MRPL15: variants seen among roughly 807,000 people sequenced by gnomAD.
MRPL15 encodes mitochondrial ribosomal protein L15, also known as large ribosomal subunit protein uL15m.
MRPL15 carries 24 observed loss-of-function variants against 28.0 expected under a neutral mutation model. That is an observed-to-expected ratio of 0.86 (90% CI 0.62 to 1.21). MRPL15 has a LOEUF of 1.21. Ranked by LOEUF, MRPL15 falls within the 50% of genes most tolerant of loss-of-function variation. The probability of loss-of-function intolerance (pLI) is 0.00; values close to 1 mark genes in which losing one functional copy is unlikely to be tolerated. For missense variants in MRPL15, 343 were observed against 372.4 expected, an observed-to-expected ratio of 0.92 and a Z score of 0.65; for synonymous variants, 124 against 137.0, an observed-to-expected ratio of 0.90 and a Z score of 0.66.
At chr8:54,147,180 C>T (rs1451121474) in intron 4 of MRPL15, among the ~76,000 whole-genome samples, 5 of 151,852 alleles carry the variant, frequency 3.3e-5, no homozygotes, top group Non-Finnish European at 7.4e-5. Flanking sequence ...TGCAGTGAGC[C>T]GAGATGGTGC....
At chr8:54,142,549 T>G in intron 3 of MRPL15, 114 bp from the exon 4 acceptor site, 1 of 1,233,576 alleles carries the variant, frequency 8.1e-7, no homozygotes, top group Non-Finnish European at 1.1e-6. Flanking sequence ...ACTAACTGTA[T>G]TGTTATGTTA....
chr8:54,143,406 CTCT>C (rs1742533544), intron 4 of MRPL15, among the ~76,000 whole-genome samples: 1 of 152,274 alleles, frequency 6.6e-6, no homozygotes, highest in East Asian at 1.9e-4. Context: ...CTCAGCCTGG[CTCT>C]TCTTGTAGTC....
intron 4 of MRPL15, among the ~76,000 whole-genome samples, chr8:54,145,651 T>C (rs1002218365): frequency 9.2e-5 from 14 of 152,136 alleles, no homozygotes; most frequent in African/African-American, 3.4e-4. Context: ...TTTTGTTTTA[T>C]GTTTTGTAGA....
chr8:54,136,751 A>G, intron 2 of MRPL15, 86 bp downstream of exon 2: 1 of 1,477,826 alleles, frequency 6.8e-7, no homozygotes, highest in East Asian at 2.3e-5. Flanking sequence ...TTTTGGTGGA[A>G]ATTGTAAATT....
chr8:54,141,305 C>G (rs962622368), intron 3 of MRPL15, among the ~76,000 whole-genome samples: 1 of 152,010 alleles, frequency 6.6e-6, no homozygotes, highest in Non-Finnish European at 1.5e-5. Flanking sequence ...TATTTCCGAT[C>G]TATGAAAGTT....
chr8:54,142,624 C>T (rs374167493), intron 3 of MRPL15, 39 bp from the exon 4 acceptor site: 1 of 1,596,690 alleles, frequency 6.3e-7, no homozygotes, highest in Non-Finnish European at 8.5e-7. Flanking sequence ...TTACTTTTAG[C>T]CAAGCTGTTT....
Position 54,136,528 on chromosome 8 carries a change from T to C in MRPL15, c.126T>C (p.Gly42=). Reference sequence around the variant, plus strand: ...CCTTGCAGGAGAGAAGACCAAGAGGTCGGAGAAGAGGTAGAAAATGTGGCA... The same window carrying C: ...CCTTGCAGGAGAGAAGACCAAGAGGCCGGAGAAGAGGTAGAAAATGTGGCA... ...GSKKPERRPR[G]RRRGRKCGRG... is the part of the protein sequence containing the mutation. The change falls in exon 2 of 5, where the codon GGT becomes GGC. Residue 42 remains glycine (G), a synonymous_variant. Coordinates refer to ENST00000260102, the MANE Select transcript of MRPL15 (RefSeq NM_014175.4). The C allele has an allele frequency of 6.2e-7, 1 of 1,613,274 alleles. No individual in the cohort carries two copies. The highest frequency in any genetic ancestry group is 8.5e-7 in the Non-Finnish European group (1 of 1,179,716).
At chr8:54,146,233 G>A (rs143188667) in intron 4 of MRPL15, among the ~76,000 whole-genome samples, 304 of 152,298 alleles carry the variant, frequency 2.0e-3, no homozygotes, top group African/African-American at 7.1e-3. Flanking sequence ...GATCACCTGA[G>A]TTCAGGAGTT....
rs939805663 is a variant in MRPL15, at chr8:54,148,334, C to A, written c.*615C>A. 6.6e-6 allele frequency among the ~76,000 whole-genome samples: 1 copy of A among 152,184 alleles called. No individual in the cohort carries two copies. Among genetic ancestry groups the A allele is most frequent in the African/African-American group, 2.4e-5 (1 of 41,438 alleles). On this transcript the variant is annotated 3_prime_UTR_variant, in exon 5 of 5. Coordinates refer to ENST00000260102, the MANE Select transcript of MRPL15 (RefSeq NM_014175.4). ...CTGTGGTAGAAGTGTTACAGGCAGGCCTTTGTTCTTAGAGCTCCCAAGATG... is the reference window on the plus strand; with the variant it reads ...CTGTGGTAGAAGTGTTACAGGCAGGACTTTGTTCTTAGAGCTCCCAAGATG...
chr8:54,145,462 G>A (rs1811026259), intron 4 of MRPL15, among the ~76,000 whole-genome samples: 1 of 151,868 alleles, frequency 6.6e-6, no homozygotes, highest in Non-Finnish European at 1.5e-5. Context: ...TCCTTGGTGT[G>A]AGCCACCATG....
At chr8:54,144,806 T>C (rs1811016441) in intron 4 of MRPL15, among the ~76,000 whole-genome samples, 1 of 152,028 alleles carries the variant, frequency 6.6e-6, no homozygotes, top group Admixed American at 6.6e-5. Context: ...TTTGCCAACA[T>C]GATGATTCCG....
Position 54,147,677 on chromosome 8 carries a change from A to G in MRPL15, c.849A>G (p.Leu283=), listed in dbSNP as rs1811068996. ...WVVNMADKKI[L]KPTDENLLKY... ...TGAATATGGCCGATAAGAAAATCCT[A>G]AAACCTACAGATGAAAATCTCCTTA... Residue 283 remains leucine (L), a synonymous_variant, in exon 5 of 5, where the codon CTA becomes CTG. Transcript: ENST00000260102. 1.2e-6 allele frequency: 2 copies of G among 1,613,852 alleles called. No individual in the cohort carries two copies. Among genetic ancestry groups the G allele is most frequent in the Non-Finnish European group, 8.5e-7 (1 of 1,179,948 alleles).
chr8:54,135,780 C>A (rs925334251), intron 1 of MRPL15, among the ~76,000 whole-genome samples: 2 of 152,056 alleles, frequency 1.3e-5, no homozygotes, highest in African/African-American at 4.8e-5. Flanking sequence ...GCCTCGGCCT[C>A]CCAAAGTGCT....
rs193172419 is a variant in MRPL15 at position 54,147,920 on chromosome 8, T to C, written c.*201T>C. Reference sequence around the variant, plus strand: ...AGAGAAACTGAGTCTGTGTGGGTTCTGTCTCAAAGATACAAACTCCCTGAT... The same window carrying C: ...AGAGAAACTGAGTCTGTGTGGGTTCCGTCTCAAAGATACAAACTCCCTGAT... On this transcript the variant is annotated 3_prime_UTR_variant, in exon 5 of 5. Transcript: ENST00000260102. The C allele has an allele frequency of 4.0e-3, 2,019 of 510,494 alleles. 8 individuals are homozygous for C. Among genetic ancestry groups the C allele is most frequent in the Non-Finnish European group, 5.8e-3 (1,687 of 292,470 alleles). The allele number at this position is 510,494 out of a possible 1,614,324, so 31.6% of individuals were successfully genotyped here.
rs1443961291 is a variant in MRPL15, at chr8:54,148,453, G to T, written c.*734G>T. Among the ~76,000 whole-genome samples the T allele has an allele frequency of 1.3e-5, 2 of 152,200 alleles. No individual in the cohort carries two copies. Among genetic ancestry groups the T allele is most frequent in the Non-Finnish European group, 2.9e-5 (2 of 68,028 alleles). On this transcript the variant is annotated 3_prime_UTR_variant, in exon 5 of 5. Coordinates refer to ENST00000260102, the MANE Select transcript of MRPL15 (RefSeq NM_014175.4). ...TCCAAAGAATGGAACCTTGGGCCAT[G>T]TGGTCAGTGTTATAGCTCTAGTAGA...
intron 4 of MRPL15, among the ~76,000 whole-genome samples, chr8:54,143,528 T>A (rs1810968817): frequency 1.3e-5 from 2 of 152,236 alleles, no homozygotes; most frequent in Non-Finnish European, 2.9e-5. Flanking sequence ...TGTCCACATT[T>A]GACCACTTCT....
Position 54,147,703 on chromosome 8 carries a change from A to G in MRPL15, c.875A>G (p.Lys292Arg). The change falls in exon 5 of 5, where the codon AAG becomes AGG. Residue 292 changes from lysine (K) to arginine (R), a missense_variant. Physicochemically the swap from Lys to Arg is conservative, Grantham distance 26. Transcript: ENST00000260102. ...ILKPTDENLLKYYTS is the reference protein window; with the variant it reads ...ILKPTDENLLRYYTS ...AAACCTACAGATGAAAATCTCCTTA[A>G]GTATTATACCTCATGAATTCCCGTC... 6.2e-7 allele frequency: 1 copy of G among 1,611,216 alleles called. No individual in the cohort carries two copies. Among genetic ancestry groups the G allele is most frequent in the Non-Finnish European group, 8.5e-7 (1 of 1,178,752 alleles).
At chr8:54,141,469 T>G (rs1810924587) in intron 3 of MRPL15, among the ~76,000 whole-genome samples, 1 of 152,112 alleles carries the variant, frequency 6.6e-6, no homozygotes, top group South Asian at 2.1e-4. Context: ...TAGGTGTACA[T>G]AAAATGGAAA....
At chr8:54,147,240 A>G (rs372084601) in intron 4 of MRPL15, 142 bp from the exon 5 acceptor site, 1 of 674,866 alleles carries the variant, frequency 1.5e-6, no homozygotes, top group East Asian at 2.9e-5. Context: ...CTCAAAAAAA[A>G]AATAATAAAA....
Sources: allele counts gnomAD v4.1 joint callset (sites outside exome capture counted in the v4.1 genomes callset), GRCh38; gene constraint gnomAD v4.1.1; transcripts MANE v1.5; gene names NCBI Gene and HGNC (gene_info 2026-07-23, HGNC 2026-07-21).